The following ZNRF3 variants were observed in gnomAD, a reference collection of about 807,000 sequenced individuals.
The protein encoded by ZNRF3 is zinc and ring finger 3.
In ZNRF3, 23 loss-of-function variants were observed where a neutral mutation model predicts 72.5. The ratio of observed to expected loss-of-function variants is 0.32; its 90% CI spans 0.23 to 0.45. The LOEUF (loss-of-function observed/expected upper bound fraction) is 0.45, where lower values mean the gene tolerates loss of function less well. Among genes scored for constraint, ZNRF3 ranks in the 20% least tolerant of loss-of-function variants. ZNRF3 has a pLI of 1.00. For synonymous variants in ZNRF3, 610 were observed against 545.3 expected, an observed-to-expected ratio of 1.12 and a Z score of -1.65; for missense variants, 1,169 against 1,272.1, an observed-to-expected ratio of 0.92 and a Z score of 1.23.
At chr22:28,987,300 G>A (rs1055519904) in intron 2 of ZNRF3, 99 bp downstream of exon 2, 4 of 1,512,600 alleles carry the variant, frequency 2.6e-6, no homozygotes, top group Non-Finnish European at 3.5e-6. Context: ...GAAGAGCCAT[G>A]CTGGCACAGT....
chr22:28,997,686 C>G (rs867307414), intron 2 of ZNRF3, among the ~76,000 whole-genome samples: 1 of 151,874 alleles, frequency 6.6e-6, no homozygotes, highest in Admixed American at 6.6e-5. Flanking sequence ...TTCTCCATAC[C>G]GCCTCTGTAA....
intron 2 of ZNRF3, among the ~76,000 whole-genome samples, chr22:29,008,559 G>T: frequency 6.6e-6 from 1 of 152,194 alleles, no homozygotes; most frequent in South Asian, 2.1e-4. Flanking sequence ...TTTCTCGTCA[G>T]CATCAAGGCC....
At chr22:28,927,256 T>C (rs1009244086) in intron 1 of ZNRF3, among the ~76,000 whole-genome samples, 1 of 152,174 alleles carries the variant, frequency 6.6e-6, no homozygotes, top group African/African-American at 2.4e-5. Flanking sequence ...TTAGCTTTTC[T>C]TGTAAACCTG....
chr22:28,963,629 T>G (rs2035406191), intron 1 of ZNRF3, among the ~76,000 whole-genome samples: 1 of 152,154 alleles, frequency 6.6e-6, no homozygotes, highest in Non-Finnish European at 1.5e-5. Context: ...TTGGGGGTTT[T>G]GGGAGGATTA....
At position 28,913,666 on chromosome 22, in the gene ZNRF3, T is replaced by C. The variant is rs540740073; in HGVS notation, c.300+29600T>C. 3.0e-4 allele frequency among the ~76,000 whole-genome samples: 46 copies of C among 152,292 alleles called. No homozygotes were observed. The South Asian group carries it at 5.6e-3, about 19-fold the overall frequency. ...TGATGGGGTATAGGGAGTTGTAGTA[T>C]AAAAGAACCAAGAAACAGTGCTTCT... On this transcript the variant is annotated intron_variant, in intron 1 of 8. Transcript: ENST00000544604.
At chr22:29,044,999 C>G (rs1246253366) in intron 5 of ZNRF3, 109 bp downstream of exon 5, 4 of 760,206 alleles carry the variant, frequency 5.3e-6, no homozygotes, top group Non-Finnish European at 9.2e-6. Context: ...TGGAGCCTCA[C>G]AGCTGTGGAC....
intron 1 of ZNRF3, among the ~76,000 whole-genome samples, chr22:28,970,504 C>T (rs190383107): frequency 6.6e-6 from 1 of 152,270 alleles, no homozygotes; most frequent in African/African-American, 2.4e-5. Context: ...GGTATTCCAC[C>T]CGTAGGTATT....
In ZNRF3 at chr22:28,963,913, C is replaced by T. The variant is rs894546511; in HGVS notation, c.301-23163C>T. 6.6e-5 allele frequency among the ~76,000 whole-genome samples: 10 copies of T among 152,246 alleles called. No homozygotes were observed. In the South Asian group the frequency reaches 8.3e-4, roughly 13 times the overall value. ...GGCACCTTGAAAGCTTAGCACAGTA[C>T]CCAGCATCTAATGCCAGAGACGGAT... is the stretch of plus-strand genomic sequence containing the variant. On this transcript the variant is annotated intron_variant, in intron 1 of 8. Coordinates refer to ENST00000544604, the MANE Select transcript of ZNRF3 (RefSeq NM_001206998.2).
At chr22:28,915,858 A>G (rs892995698) in intron 1 of ZNRF3, among the ~76,000 whole-genome samples, 1 of 152,166 alleles carries the variant, frequency 6.6e-6, no homozygotes, top group Non-Finnish European at 1.5e-5. Flanking sequence ...CACCGCCCCC[A>G]TATCCCACCC....
intron 1 of ZNRF3, among the ~76,000 whole-genome samples, chr22:28,954,398 A>C (rs1430176204): frequency 1.3e-5 from 2 of 152,116 alleles, no homozygotes; most frequent in Non-Finnish European, 2.9e-5. Context: ...TCTCATCATG[A>C]TGGCCCTGCC....
intron 1 of ZNRF3, among the ~76,000 whole-genome samples, chr22:28,924,763 T>A (rs1012064738): frequency 2.6e-5 from 4 of 152,112 alleles, no homozygotes; most frequent in African/African-American, 9.7e-5. Context: ...TAATAATTTT[T>A]AAAAAGTAGG....
chr22:29,031,757 TC>T, intron 2 of ZNRF3: 4 of 361,364 alleles, frequency 1.1e-5, no homozygotes, highest in Non-Finnish European at 1.5e-5. Context: ...GCGTGGCCAG[TC>T]CCTAGGACCG....
intron 1 of ZNRF3, among the ~76,000 whole-genome samples, chr22:28,896,917 C>G (rs965903197): frequency 6.6e-6 from 1 of 152,182 alleles, no homozygotes; most frequent in African/African-American, 2.4e-5. Flanking sequence ...CTCTCATTCT[C>G]TCTCTTTTGG....
intron 1 of ZNRF3, among the ~76,000 whole-genome samples, chr22:28,921,216 C>G (rs1276777196): frequency 6.6e-6 from 1 of 151,982 alleles, no homozygotes; most frequent in Admixed American, 6.6e-5. Flanking sequence ...AGTGGGAAGC[C>G]CCCCCCACCC....
At chr22:29,037,243 C>T (rs769724680) in intron 2 of ZNRF3, among the ~76,000 whole-genome samples, 8 of 152,302 alleles carry the variant, frequency 5.3e-5, no homozygotes, top group Non-Finnish European at 8.8e-5. Flanking sequence ...CAAACCAAGT[C>T]TGGGTATAAC....
At chr22:28,966,634 TAA>T (rs982201875) in intron 1 of ZNRF3, among the ~76,000 whole-genome samples, 1 of 147,078 alleles carries the variant, frequency 6.8e-6, no homozygotes, top group Admixed American at 6.8e-5. Flanking sequence ...TTTAAAAAAG[TAA>T]AAAAAAAAGT....
intron 1 of ZNRF3, among the ~76,000 whole-genome samples, chr22:28,894,548 T>G (rs1042419230): frequency 1.3e-5 from 2 of 152,168 alleles, no homozygotes; most frequent in Non-Finnish European, 2.9e-5. Context: ...TGGGGACCGC[T>G]GTGCTGTCGT....
At chr22:28,928,060 A>T (rs1387814989) in intron 1 of ZNRF3, among the ~76,000 whole-genome samples, 1 of 152,220 alleles carries the variant, frequency 6.6e-6, no homozygotes, top group Non-Finnish European at 1.5e-5. Flanking sequence ...TTTTGTTTAG[A>T]GACCATTTTT....
intron 2 of ZNRF3, among the ~76,000 whole-genome samples, chr22:28,990,195 T>G (rs1480266969): frequency 6.6e-6 from 1 of 152,210 alleles, no homozygotes; most frequent in East Asian, 1.9e-4. Context: ...CTGTACTTAA[T>G]GTGGAGAGGC....
Sources: allele counts gnomAD v4.1 joint callset (sites outside exome capture counted in the v4.1 genomes callset), GRCh38; gene constraint gnomAD v4.1.1; transcripts MANE v1.5; gene names NCBI Gene and HGNC (gene_info 2026-07-23, HGNC 2026-07-21).